PCLO: variants seen among roughly 807,000 people sequenced by gnomAD.
The protein encoded by PCLO is piccolo presynaptic cytomatrix protein.
PCLO carries 82 observed loss-of-function variants against 427.5 expected under a neutral mutation model. That is an observed-to-expected ratio of 0.19 (90% confidence interval 0.16 to 0.23). PCLO has a LOEUF of 0.23. Ranked by LOEUF, PCLO falls within the 10% of genes least tolerant of loss-of-function variation. The pLI is 1.00. For synonymous variants in PCLO, 2,357 were observed against 2,155.4 expected (o/e 1.09, Z -2.59); for missense variants, 6,239 against 6,115.9 (o/e 1.02, Z -0.67).
intron 3 of PCLO, among the ~76,000 whole-genome samples, chr7:83,104,775 G>T (rs1044371797): frequency 6.6e-6 from 1 of 152,114 alleles, no homozygotes; most frequent in Admixed American, 6.6e-5. Context: ...ATTGACTTGA[G>T]ATCAAAGAAA....
intron 3 of PCLO, among the ~76,000 whole-genome samples, chr7:83,027,860 T>C (rs967736592): frequency 8.2e-6 from 1 of 121,248 alleles, no homozygotes; most frequent in Non-Finnish European, 1.8e-5. Flanking sequence ...AAAAACCACA[T>C]GATTATCTCA....
At chr7:83,040,041 T>C (rs1788933389) in intron 3 of PCLO, among the ~76,000 whole-genome samples, 1 of 152,166 alleles carries the variant, frequency 6.6e-6, no homozygotes, top group Non-Finnish European at 1.5e-5. Flanking sequence ...AACTTGCCTA[T>C]TAATTCTAAT....
At chr7:83,143,580 T>G (rs2116645596) in intron 2 of PCLO, among the ~76,000 whole-genome samples, 1 of 146,138 alleles carries the variant, frequency 6.8e-6, no homozygotes, top group South Asian at 2.2e-4. Context: ...ATAAAATTTC[T>G]AAATCATTAC....
intron 10 of PCLO, chr7:82,848,784 C>G (rs1333073122): frequency 4.3e-6 from 1 of 232,560 alleles, no homozygotes; most frequent in African/African-American, 2.3e-5. Flanking sequence ...AAAGGAAAAA[C>G]TTTTACACTA....
chr7:83,053,809 C>G (rs1789311992), intron 3 of PCLO, among the ~76,000 whole-genome samples: 1 of 151,738 alleles, frequency 6.6e-6, no homozygotes, highest in African/African-American at 2.4e-5. Context: ...AAAATAGAGT[C>G]CATTTTAAGA....
intron 3 of PCLO, among the ~76,000 whole-genome samples, chr7:83,085,737 A>C (rs1445182390): frequency 6.6e-6 from 1 of 152,206 alleles, no homozygotes; most frequent in Non-Finnish European, 1.5e-5. Context: ...ACTTTAAAAA[A>C]ACACATTAAT....
intron 3 of PCLO, among the ~76,000 whole-genome samples, chr7:83,038,027 ATATTTATATATTTATATATATATC>A (rs1788854660): frequency 2.3e-5 from 1 of 44,186 alleles, no homozygotes; most frequent in Non-Finnish European, 3.6e-5. Context: ...ATATATATAT[ATATTTATATATTTATATATATATC>A]TTTATATATA....
At chr7:82,794,775 T>C (rs1274573953) in intron 22 of PCLO, among the ~76,000 whole-genome samples, 1 of 152,002 alleles carries the variant, frequency 6.6e-6, no homozygotes, top group East Asian at 1.9e-4. Flanking sequence ...CGCCTGGCTC[T>C]CCAGTTTATA....
intron 18 of PCLO, among the ~76,000 whole-genome samples, chr7:82,825,917 T>A (rs1222281114): frequency 6.7e-6 from 1 of 148,762 alleles, no homozygotes; most frequent in Non-Finnish European, 1.5e-5. Flanking sequence ...ATAAACAATA[T>A]GTGTATATAT....
intron 22 of PCLO, among the ~76,000 whole-genome samples, chr7:82,784,523 C>A (rs921774350): frequency 1.3e-5 from 2 of 152,286 alleles, no homozygotes; most frequent in South Asian, 2.1e-4. Context: ...CACAACCACA[C>A]AATTAACATC....
At chr7:82,853,766 A>G (rs996701093) in intron 10 of PCLO, among the ~76,000 whole-genome samples, 1 of 152,046 alleles carries the variant, frequency 6.6e-6, no homozygotes, top group Non-Finnish European at 1.5e-5. Context: ...TAGTTTGGTT[A>G]TTTACTAGTT....
chr7:83,015,601 G>A (rs1788187165), intron 3 of PCLO, among the ~76,000 whole-genome samples: 2 of 151,998 alleles, frequency 1.3e-5, no homozygotes, highest in Non-Finnish European at 2.9e-5. Context: ...ATAAACAGAT[G>A]GCATATAATC....
At chr7:83,098,468 C>T (rs980274991) in intron 3 of PCLO, among the ~76,000 whole-genome samples, 3 of 152,090 alleles carry the variant, frequency 2.0e-5, no homozygotes, top group African/African-American at 7.2e-5. Context: ...CTTACAGTCT[C>T]GATAACATGA....
chr7:83,068,456 T>A (rs140231065), intron 3 of PCLO, among the ~76,000 whole-genome samples: 1 of 151,910 alleles, frequency 6.6e-6, no homozygotes, highest in Non-Finnish European at 1.5e-5. Flanking sequence ...AATTAAAAAA[T>A]CTACTCAGCA....
At chr7:83,145,277 T>C (rs1791965131) in intron 2 of PCLO, among the ~76,000 whole-genome samples, 1 of 152,198 alleles carries the variant, frequency 6.6e-6, no homozygotes, top group Non-Finnish European at 1.5e-5. Context: ...TGTAAGTCTC[T>C]GGTTTGGACA....
intron 10 of PCLO, among the ~76,000 whole-genome samples, chr7:82,869,364 T>C (rs762524532): frequency 2.0e-5 from 3 of 152,094 alleles, no homozygotes; most frequent in Non-Finnish European, 2.9e-5. Flanking sequence ...ACCTGCATTG[T>C]GAACTTATTG....
chr7:83,093,872 T>C (rs56989943), intron 3 of PCLO, among the ~76,000 whole-genome samples: 62,524 of 145,836 alleles, frequency 0.43, 13,940 homozygotes, highest in East Asian at 0.7. Flanking sequence ...TTTGAGATAA[T>C]TGTAAATTCA....
chr7:83,160,908 C>T (rs893617805), intron 1 of PCLO, among the ~76,000 whole-genome samples: 2 of 152,116 alleles, frequency 1.3e-5, no homozygotes, highest in Non-Finnish European at 2.9e-5. Flanking sequence ...TGAAAGTCTA[C>T]TGAATGAACA....
intron 6 of PCLO, among the ~76,000 whole-genome samples, chr7:82,927,684 A>C (rs1407795330): frequency 6.6e-6 from 1 of 152,230 alleles, no homozygotes; most frequent in East Asian, 1.9e-4. Flanking sequence ...ACTTTAGTAA[A>C]ATTCCTCATA....
Sources: gnomAD v4.1 joint callset for allele counts (sites outside exome capture counted in the v4.1 genomes callset) on GRCh38, gnomAD v4.1.1 for gene constraint, MANE v1.5 for transcripts, NCBI Gene and HGNC (gene_info 2026-07-23, HGNC 2026-07-21) for gene names.